The following MEGF10 variants were observed in gnomAD, a reference collection of about 807,000 sequenced individuals.
The protein encoded by MEGF10 is multiple epidermal growth factor-like domains protein 10.
Under a neutral mutation model 147.5 loss-of-function variants are expected in MEGF10, and 86 were observed. The observed-to-expected ratio is 0.58, with a 90% confidence interval of 0.49 to 0.70. The LOEUF is 0.70. Ranked by LOEUF, MEGF10 falls within the 30% of genes least tolerant of loss-of-function variation. The pLI, the probability that MEGF10 is intolerant of heterozygous loss-of-function variation, is 0.00. For synonymous variants in MEGF10, 478 were observed against 525.5 expected (o/e 0.91, Z 1.24); for missense variants, 1,329 against 1,487.3 (o/e 0.89, Z 1.75).
chr5:127,358,505 A>AT (rs1762356904), intron 4 of MEGF10, among the ~76,000 whole-genome samples: 1 of 148,392 alleles, frequency 6.7e-6, no homozygotes, highest in South Asian at 2.2e-4. Flanking sequence ...TTGTAAAAGA[A>AT]TTTATGGCTC....
At chr5:127,447,766 C>T in intron 21 of MEGF10, 82 bp downstream of exon 21, 2 of 1,545,240 alleles carry the variant, frequency 1.3e-6, no homozygotes, top group Non-Finnish European at 1.8e-6. Flanking sequence ...CCGCTGTTCA[C>T]CAGAGGCTGT....
intron 4 of MEGF10, among the ~76,000 whole-genome samples, chr5:127,357,951 G>C (rs1381131066): frequency 2.0e-5 from 3 of 152,136 alleles, no homozygotes; most frequent in Non-Finnish European, 4.4e-5. Context: ...AACCTGATTT[G>C]TAATAGTTCT....
chr5:127,377,029 C>T (rs927077974), intron 5 of MEGF10, among the ~76,000 whole-genome samples: 1 of 152,130 alleles, frequency 6.6e-6, no homozygotes, highest in Non-Finnish European at 1.5e-5. Flanking sequence ...CTCTGAGAGA[C>T]GTTGAGGGCC....
chr5:127,391,098 G>GCACACACACACACACACA (rs1158697334), intron 5 of MEGF10, among the ~76,000 whole-genome samples: 1 of 29,736 alleles, frequency 3.4e-5, no homozygotes, highest in African/African-American at 7.0e-5. Context: ...GCGCGCGCGC[G>GCACACACACACACACACA]CGCGCACACA....
chr5:127,350,894 A>G (rs1269242066), intron 4 of MEGF10, among the ~76,000 whole-genome samples: 3 of 152,116 alleles, frequency 2.0e-5, no homozygotes, highest in African/African-American at 7.2e-5. Flanking sequence ...ACATCCGGGT[A>G]AATGGGGTGT....
intron 5 of MEGF10, among the ~76,000 whole-genome samples, chr5:127,386,587 C>T (rs1055168598): frequency 2.6e-5 from 4 of 152,168 alleles, no homozygotes; most frequent in African/African-American, 9.7e-5. Context: ...CCTTGCAGGC[C>T]TGAACTCACT....
chr5:127,280,541 T>A, the MEGF10 span, among the ~76,000 whole-genome samples: 4 of 152,354 alleles, frequency 2.6e-5, no homozygotes, highest in Admixed American at 2.0e-4. Flanking sequence ...TGAAGTCTCC[T>A]GTAGTATGTA....
chr5:127,418,918 C>A (rs1446731951), intron 10 of MEGF10, among the ~76,000 whole-genome samples: 1 of 152,096 alleles, frequency 6.6e-6, no homozygotes, highest in Non-Finnish European at 1.5e-5. Context: ...AATAATATAT[C>A]CTAAACATAG....
chr5:127,250,968 A>G, the MEGF10 span, among the ~76,000 whole-genome samples: 1 of 151,982 alleles, frequency 6.6e-6, no homozygotes, highest in Admixed American at 6.6e-5. Context: ...TAAAATATAG[A>G]AAAAAATCCA....
chr5:127,290,568 G>T (rs1759199579), upstream of MEGF10, among the ~76,000 whole-genome samples: 1 of 152,228 alleles, frequency 6.6e-6, no homozygotes, highest in African/African-American at 2.4e-5. Context: ...CCTTTGGCGG[G>T]GTCACCCACC....
At chr5:127,247,099 T>C in the MEGF10 span, among the ~76,000 whole-genome samples, 1 of 140,158 alleles carries the variant, frequency 7.1e-6, no homozygotes, top group East Asian at 2.1e-4. Flanking sequence ...TAAAGCATGA[T>C]AGTTTTCAGC....
chr5:127,413,208 A>G (rs1024735386), intron 9 of MEGF10, among the ~76,000 whole-genome samples: 1 of 152,222 alleles, frequency 6.6e-6, no homozygotes, highest in African/African-American at 2.4e-5. Context: ...CTTTAGCAGT[A>G]TTATTGAGCC....
intron 2 of MEGF10, among the ~76,000 whole-genome samples, chr5:127,338,019 T>G (rs1336317593): frequency 1.3e-5 from 2 of 152,132 alleles, no homozygotes; most frequent in Admixed American, 1.3e-4. Context: ...GCCTGATACA[T>G]AATGACTACC....
chr5:127,284,545 C>A, the MEGF10 span, among the ~76,000 whole-genome samples: 1 of 151,988 alleles, frequency 6.6e-6, no homozygotes, highest in Non-Finnish European at 1.5e-5. Flanking sequence ...TGAAGTCAGA[C>A]CCAGGGTCAG....
At chr5:127,456,423 TTCTC>T (rs1047502744) in intron 24 of MEGF10, among the ~76,000 whole-genome samples, 1 of 150,832 alleles carries the variant, frequency 6.6e-6, no homozygotes, top group Admixed American at 6.6e-5. Context: ...ATATTTTCAT[TTCTC>T]TCTCTCTCTC....
intron 3 of MEGF10, among the ~76,000 whole-genome samples, chr5:127,339,819 T>G (rs1761609827): frequency 6.6e-6 from 1 of 152,210 alleles, no homozygotes; most frequent in African/African-American, 2.4e-5. Flanking sequence ...ATGTCATTTC[T>G]TCACACAAGC....
chr5:127,433,480 C>T lies in MEGF10; in HGVS notation c.1811C>T (p.Pro604Leu). The T allele has an allele frequency of 1.9e-6, 3 of 1,611,756 alleles. No individual in the cohort carries two copies. Among genetic ancestry groups the T allele is most frequent in the Non-Finnish European group, 2.5e-6 (3 of 1,178,886 alleles). The change falls in exon 14 of 25, where the codon CCA (proline) becomes CTA (leucine). Residue 604 changes from proline (P) to leucine (L), a missense_variant. Physicochemically the swap from Pro to Leu is moderately conservative, Grantham distance 98 (BLOSUM62 -3). Coordinates refer to ENST00000503335, the MANE Select transcript of MEGF10 (RefSeq NM_001256545.2). ...SPDDGICECA[P>L]GFRGTTCQRI... Reference sequence around the variant, plus strand: ...GATGATGGCATCTGCGAGTGTGCACCAGGCTTCCGAGGCACCACTTGTCAG... The same window carrying T: ...GATGATGGCATCTGCGAGTGTGCACTAGGCTTCCGAGGCACCACTTGTCAG...
chr5:127,454,630 A>G lies in MEGF10; in HGVS notation c.3025+20A>G, dbSNP rs1189759932. 1 of 1,595,118 alleles carries G rather than the reference A, an allele frequency of 6.3e-7. No individual in the cohort carries two copies. The highest frequency in any genetic ancestry group is 1.8e-5 in the Admixed American group (1 of 56,338). On this transcript the variant is annotated intron_variant, in intron 23 of 24. Transcript: ENST00000503335. Reference sequence around the variant, plus strand: ...TAAAAGGTATCATGTAAATTTGAAGAAGAAATCAGAAGCACAATTAAATTT... The same window carrying G: ...TAAAAGGTATCATGTAAATTTGAAGGAGAAATCAGAAGCACAATTAAATTT...
intron 8 of MEGF10, among the ~76,000 whole-genome samples, chr5:127,407,680 T>C (rs928060763): frequency 6.6e-6 from 1 of 152,198 alleles, no homozygotes; most frequent in Admixed American, 6.5e-5. Flanking sequence ...TCTGTTCCAT[T>C]TGGAACCGCA....
Sources: gnomAD v4.1 joint callset for allele counts (sites outside exome capture counted in the v4.1 genomes callset) on GRCh38, gnomAD v4.1.1 for gene constraint, MANE v1.5 for transcripts, NCBI Gene and HGNC (gene_info 2026-07-23, HGNC 2026-07-21) for gene names.